GLRA3: variants seen among roughly 807,000 people sequenced by gnomAD.
The protein encoded by GLRA3 is glycine receptor subunit alpha-3.
Under a neutral mutation model 60.4 loss-of-function variants are expected in GLRA3, and 44 were observed. The observed-to-expected ratio is 0.73, with a 90% CI of 0.57 to 0.94. GLRA3 has a LOEUF of 0.94. Ranked by LOEUF, GLRA3 falls within the 40% of genes least tolerant of loss-of-function variation. The probability of loss-of-function intolerance (pLI) is 0.00; values close to 1 mark genes in which losing one functional copy is unlikely to be tolerated. For synonymous variants in GLRA3, 223 were observed against 192.9 expected (o/e 1.16, Z -1.29); for missense variants, 508 against 564.6 (o/e 0.90, Z 1.02).
intron 1 of GLRA3, among the ~76,000 whole-genome samples, chr4:174,814,103 A>T (rs1740383362): frequency 6.6e-6 from 1 of 152,174 alleles, no homozygotes; most frequent in Non-Finnish European, 1.5e-5. Flanking sequence ...AGCATGTATT[A>T]CAGTGTGCTC....
At chr4:174,762,314 C>CAT (rs1737972807) in intron 3 of GLRA3, among the ~76,000 whole-genome samples, 1 of 151,906 alleles carries the variant, frequency 6.6e-6, no homozygotes, top group Admixed American at 6.6e-5. Context: ...TATATATATA[C>CAT]ATATTTCTAT....
intron 3 of GLRA3, among the ~76,000 whole-genome samples, chr4:174,756,427 G>C (rs1737700007): frequency 6.6e-6 from 1 of 151,994 alleles, no homozygotes; most frequent in Non-Finnish European, 1.5e-5. Flanking sequence ...TTTATACAAG[G>C]AACGCAAGAA....
At chr4:174,759,165 G>A (rs1259067001) in intron 3 of GLRA3, among the ~76,000 whole-genome samples, 1 of 152,006 alleles carries the variant, frequency 6.6e-6, no homozygotes, top group Non-Finnish European at 1.5e-5. Flanking sequence ...AGAAAAAGTG[G>A]CAGAGTGTGT....
chr4:174,670,675 G>A (rs984717195), intron 7 of GLRA3, among the ~76,000 whole-genome samples: 1 of 152,044 alleles, frequency 6.6e-6, no homozygotes, highest in African/African-American at 2.4e-5. Context: ...TAGCAGCCCT[G>A]TCTCTATCTC....
chr4:174,743,772 C>T (rs1737118841), intron 3 of GLRA3, among the ~76,000 whole-genome samples: 2 of 152,010 alleles, frequency 1.3e-5, no homozygotes, highest in South Asian at 4.2e-4. Flanking sequence ...ATATTTAGTG[C>T]ATTTTTGAAA....
chr4:174,769,007 A>G (rs913720494), intron 2 of GLRA3, among the ~76,000 whole-genome samples: 2 of 152,106 alleles, frequency 1.3e-5, no homozygotes, highest in Non-Finnish European at 2.9e-5. Context: ...TTTTAAACTG[A>G]GCGTAATTTT....
intron 3 of GLRA3, among the ~76,000 whole-genome samples, chr4:174,740,865 A>G (rs1025072307): frequency 2.0e-5 from 3 of 152,202 alleles, no homozygotes; most frequent in African/African-American, 7.2e-5. Flanking sequence ...CACAATATTT[A>G]ACATTTTGAG....
chr4:174,803,524 T>C (rs1274622362), intron 1 of GLRA3, among the ~76,000 whole-genome samples: 1 of 152,190 alleles, frequency 6.6e-6, no homozygotes, highest in Non-Finnish European at 1.5e-5. Flanking sequence ...TGTTCTTTTC[T>C]GTCATTAACT....
intron 3 of GLRA3, among the ~76,000 whole-genome samples, chr4:174,751,798 T>C (rs966587478): frequency 5.3e-5 from 8 of 152,098 alleles, no homozygotes; most frequent in Non-Finnish European, 7.4e-5. Flanking sequence ...AAATTGGTTC[T>C]TGGTGGGTGA....
chr4:174,688,982 A>G (rs917433528), intron 5 of GLRA3, among the ~76,000 whole-genome samples: 1 of 152,176 alleles, frequency 6.6e-6, no homozygotes, highest in Non-Finnish European at 1.5e-5. Flanking sequence ...TTGTCTGATC[A>G]TAGGATTTTA....
intron 1 of GLRA3, among the ~76,000 whole-genome samples, chr4:174,828,380 T>C (rs532924062): frequency 2.2e-4 from 34 of 152,322 alleles, no homozygotes; most frequent in Admixed American, 1.2e-3. Flanking sequence ...TTCTAAATAC[T>C]AAATGTTTTG....
chr4:174,705,069 T>C (rs1735465152), intron 5 of GLRA3, among the ~76,000 whole-genome samples: 1 of 144,200 alleles, frequency 6.9e-6, no homozygotes, highest in Admixed American at 7.1e-5. Context: ...ATGGTTAAGA[T>C]GGTACATTTT....
At chr4:174,680,565 G>A (rs1198156222) in intron 6 of GLRA3, among the ~76,000 whole-genome samples, 2 of 152,132 alleles carry the variant, frequency 1.3e-5, no homozygotes, top group Non-Finnish European at 2.9e-5. Context: ...AGAAGGAAGA[G>A]CAAGAGCAAA....
chr4:174,764,964 A>G (rs1197334103), intron 3 of GLRA3, among the ~76,000 whole-genome samples: 1 of 152,066 alleles, frequency 6.6e-6, no homozygotes, highest in Admixed American at 6.6e-5. Flanking sequence ...TTAGGTTTGT[A>G]ATACTTAACT....
intron 1 of GLRA3, among the ~76,000 whole-genome samples, chr4:174,803,617 T>C (rs1739908347): frequency 6.6e-6 from 1 of 152,214 alleles, no homozygotes; most frequent in African/African-American, 2.4e-5. Flanking sequence ...TGATGTGACA[T>C]ACACATATGT....
At chr4:174,775,967 C>T (rs1027301087) in intron 2 of GLRA3, among the ~76,000 whole-genome samples, 2 of 151,708 alleles carry the variant, frequency 1.3e-5, no homozygotes, top group East Asian at 3.9e-4. Context: ...CAGAGGTAAG[C>T]CTAAAATAAA....
intron 5 of GLRA3, among the ~76,000 whole-genome samples, chr4:174,711,349 T>A (rs1489015648): frequency 6.6e-6 from 1 of 151,364 alleles, no homozygotes; most frequent in Non-Finnish European, 1.5e-5. Context: ...ATTGTTGATT[T>A]ATCTGTTTTT....
At chr4:174,789,379 A>T (rs1356371282) in intron 1 of GLRA3, among the ~76,000 whole-genome samples, 1 of 150,522 alleles carries the variant, frequency 6.6e-6, no homozygotes, top group African/African-American at 2.4e-5. Flanking sequence ...AATTATTCTT[A>T]GCAGTAAAAA....
At chr4:174,826,105 T>G (rs1162730623) in intron 1 of GLRA3, among the ~76,000 whole-genome samples, 1 of 152,104 alleles carries the variant, frequency 6.6e-6, no homozygotes, top group Non-Finnish European at 1.5e-5. Flanking sequence ...GATCCCAAAA[T>G]GAATACATGT....
Sources: allele counts gnomAD v4.1 joint callset (sites outside exome capture counted in the v4.1 genomes callset), GRCh38; gene constraint gnomAD v4.1.1; transcripts MANE v1.5; gene names NCBI Gene and HGNC (gene_info 2026-07-23, HGNC 2026-07-21).